Variants in ZNF585A observed in about 807,000 individuals in gnomAD.
The protein encoded by ZNF585A is zinc finger protein 585A.
ZNF585A carries 9 observed loss-of-function variants against 14.9 expected under a neutral mutation model. The ratio of observed to expected loss-of-function variants is 0.60; its 90% CI spans 0.36 to 1.05. ZNF585A has a LOEUF of 1.05. Ranked by LOEUF, ZNF585A falls within the 50% of genes least tolerant of loss-of-function variation. The pLI is 0.01. For missense variants in ZNF585A, 726 were observed against 926.4 expected (o/e 0.78, Z 2.81); for synonymous variants, 276 against 319.9 (o/e 0.86, Z 1.46).
In ZNF585A at chr19:37,152,639, A is replaced by G. The variant is rs760394423; in HGVS notation, c.1260T>C (p.Ile420=). The part of the protein sequence containing the change: ...YICMKCGLAF[I]QKAHLIAHQI... Reference sequence around the variant, plus strand: ...GATGTGCAATCAAGTGTGCCTTCTGAATGAAGGCCAGTCCACATTTCATGC... The same window carrying G: ...GATGTGCAATCAAGTGTGCCTTCTGGATGAAGGCCAGTCCACATTTCATGC... The change falls in exon 5 of 5, where the codon ATT becomes ATC. Residue 420 remains isoleucine, a synonymous_variant. Transcript: ENST00000292841. 9.3e-6 allele frequency: 15 copies of G among 1,613,750 alleles called. No individual in the cohort carries two copies. Among genetic ancestry groups the G allele is most frequent in the South Asian group, 6.6e-5 (6 of 91,072 alleles).
intron 2 of ZNF585A, among the ~76,000 whole-genome samples, chr19:37,162,624 T>TACACCATGGTGTGAGCCCAGGAGGATC (rs1164994253): frequency 2.0e-5 from 3 of 152,292 alleles, no homozygotes; most frequent in East Asian, 3.9e-4. Flanking sequence ...TGTCTATATA[T>TACACCATGGTGTGAGCCCAGGAGGATC]ACACCATGGA....
At position 37,156,336 on chromosome 19, in the gene ZNF585A, T is replaced by A. The variant is rs1298914905; in HGVS notation, c.92A>T (p.Asp31Val). The A allele has an allele frequency of 6.2e-7, 1 of 1,613,950 alleles. No homozygotes were observed. The highest frequency in any genetic ancestry group is 1.3e-5 in the African/African-American group (1 of 74,862). Residue 31 changes from aspartate (D) to valine (V), a missense_variant, in exon 3 of 5, where the codon GAT becomes GTT. This residue lies in a region of ZNF585A where 483 missense variants were observed against 542.8 expected (regional missense o/e 0.89). Transcript: ENST00000292841. ...CTCTCTGCTGAAATCGATAGCCACA[T>A]CCCTGAAGGACACTGATCCCTGTAA... ...SSYEGSVSFRDVAIDFSREEW... is the reference protein window; with the variant it reads ...SSYEGSVSFRVVAIDFSREEW...
rs961867594 is a variant in ZNF585A, at chr19:37,145,657, T to C, written c.*5932A>G. Reference sequence around the variant, plus strand: ...TAAACAGAGAGCACAATTTTTTGTTTTAATAGCAGCATTCCTTGTTATAAT... The same window carrying C: ...TAAACAGAGAGCACAATTTTTTGTTCTAATAGCAGCATTCCTTGTTATAAT... On this transcript the variant is annotated 3_prime_UTR_variant, in exon 5 of 5. Transcript: ENST00000292841. 2 of 152,222 alleles carry C rather than the reference T, an allele frequency of 1.3e-5. No individual in the cohort carries two copies. Among genetic ancestry groups the C allele is most frequent in the Non-Finnish European group, 2.9e-5 (2 of 68,038 alleles). 9.4% of individuals were successfully genotyped at this position (152,222 alleles called of 1,614,324 possible).
chr19:37,171,096 A>C (rs1488860511), intron 1 of ZNF585A, among the ~76,000 whole-genome samples: 2 of 152,230 alleles, frequency 1.3e-5, no homozygotes, highest in East Asian at 3.8e-4. Flanking sequence ...GCCACCTGGA[A>C]AAAAACAAAC....
rs201531585 is a variant in ZNF585A, at chr19:37,167,082, C to A, written c.72+2757G>T. ...CTCCTAAGCTCAAGCAATCCACCCA[C>A]TTCAGCCTCCCAAAGTGCTGGGATT... On this transcript the variant is annotated intron_variant, in intron 2 of 4. Coordinates refer to ENST00000292841, the MANE Select transcript of ZNF585A (RefSeq NM_001288800.2). Among the ~76,000 whole-genome samples the A allele has an allele frequency of 2.6e-4, 39 of 151,706 alleles. No individual in the cohort carries two copies. The East Asian group carries it at 6.9e-3, about 27-fold the overall frequency.
chr19:37,163,356 TA>T (rs1972039089), intron 2 of ZNF585A, among the ~76,000 whole-genome samples: 1 of 149,950 alleles, frequency 6.7e-6, no homozygotes, highest in Non-Finnish European at 1.5e-5. Context: ...AGGAATTTAC[TA>T]AAACAATTAA....
chr19:37,146,878 G>C lies in ZNF585A; in HGVS notation c.*4711C>G. Reference sequence around the variant, plus strand: ...ACATGGAGTTAGAGCTGGGTGTGCTGGACCATGGTGGGAGGAGGCATTAAA... The same window carrying C: ...ACATGGAGTTAGAGCTGGGTGTGCTCGACCATGGTGGGAGGAGGCATTAAA... On this transcript the variant is annotated 3_prime_UTR_variant, in exon 5 of 5. Transcript: ENST00000292841. 1 of 152,650 alleles carries C rather than the reference G, an allele frequency of 6.6e-6. No homozygotes were observed. Among genetic ancestry groups the C allele is most frequent in the East Asian group, 1.9e-4 (1 of 5,192 alleles). The allele number at this position is 152,650 out of a possible 1,614,324, so 9.5% of individuals were successfully genotyped here. A position where few individuals can be genotyped will look rare whatever the true frequency, so the allele number is the denominator to read the frequency against.
intron 2 of ZNF585A, among the ~76,000 whole-genome samples, chr19:37,163,502 C>T (rs548429171): frequency 6.1e-5 from 9 of 148,022 alleles, no homozygotes; most frequent in African/African-American, 2.2e-4. Flanking sequence ...TGAGAAGACC[C>T]TGCAAAAACA....
At chr19:37,163,959 T>G (rs570054894) in intron 2 of ZNF585A, among the ~76,000 whole-genome samples, 4 of 152,158 alleles carry the variant, frequency 2.6e-5, no homozygotes, top group Admixed American at 1.3e-4. Context: ...AAGGCATATC[T>G]GGAGTTGCCA....
In ZNF585A at chr19:37,146,323, G is replaced by C. The variant is rs1239651159; in HGVS notation, c.*5266C>G. 2.6e-5 allele frequency: 4 copies of C among 152,244 alleles called. No homozygotes were observed. The East Asian group carries it at 7.7e-4, about 29-fold the overall frequency. The allele number at this position is 152,244 out of a possible 1,614,324, so 9.4% of individuals were successfully genotyped here. ...TTGAACCCGGGAGGCAGAGGTTGCA[G>C]TGAGCCAAGATCACACCACTGCACT... On this transcript the variant is annotated 3_prime_UTR_variant, in exon 5 of 5. Transcript: ENST00000292841.
At position 37,156,778 on chromosome 19, in the gene ZNF585A, G is replaced by A. The variant is rs979830770; in HGVS notation, c.73-423C>T. Among the ~76,000 whole-genome samples the A allele has an allele frequency of 6.6e-5, 10 of 151,824 alleles. 1 individual carries two copies. In the South Asian group the frequency reaches 1.0e-3, roughly 16 times the overall value. Reference sequence around the variant, plus strand: ...ATGATCTTGGCTCACTGCAACCTCCGCCTCCCAGGTTCAAGAGAGTCTCCT... The same window carrying A: ...ATGATCTTGGCTCACTGCAACCTCCACCTCCCAGGTTCAAGAGAGTCTCCT... On this transcript the variant is annotated intron_variant, in intron 2 of 4. Coordinates refer to ENST00000292841, the MANE Select transcript of ZNF585A (RefSeq NM_001288800.2).
intron 2 of ZNF585A, among the ~76,000 whole-genome samples, chr19:37,166,053 GC>G (rs775001903): frequency 2.0e-5 from 3 of 151,676 alleles, no homozygotes; most frequent in Non-Finnish European, 4.4e-5. Context: ...TTGCTCCGTC[GC>G]CCAGGCTGGA....
Position 37,150,852 on chromosome 19 carries a change from A to G in ZNF585A, c.*737T>C, listed in dbSNP as rs992924226. 6.5e-6 allele frequency: 1 copy of G among 154,954 alleles called. No homozygotes were observed. The highest frequency in any genetic ancestry group is 2.4e-5 in the African/African-American group (1 of 41,452). The allele number at this position is 154,954 out of a possible 1,614,324, so 9.6% of individuals were successfully genotyped here. A position where few individuals can be genotyped will look rare whatever the true frequency, so the allele number is the denominator to read the frequency against. ...ATTCTTACCTCGGAAGCTTTCTTGAAGGTGATGGGAGTTCACAAGACACGG... is the reference window on the plus strand; with the variant it reads ...ATTCTTACCTCGGAAGCTTTCTTGAGGGTGATGGGAGTTCACAAGACACGG... On this transcript the variant is annotated 3_prime_UTR_variant, in exon 5 of 5. Transcript: ENST00000292841.
chr19:37,169,814 C>G, intron 2 of ZNF585A, 25 bp downstream of exon 2: 2 of 1,608,010 alleles, frequency 1.2e-6, no homozygotes, highest in Middle Eastern at 2.1e-4. Flanking sequence ...TGAATTCCCA[C>G]CCCCCTGGGA....
intron 2 of ZNF585A, among the ~76,000 whole-genome samples, chr19:37,156,694 A>ATTT (rs113015250): frequency 1.3e-5 from 2 of 149,250 alleles, no homozygotes; most frequent in Non-Finnish European, 3.0e-5. Context: ...CTAATACTTC[A>ATTT]TTTTTTTTTT....
intron 2 of ZNF585A, among the ~76,000 whole-genome samples, chr19:37,160,840 T>C (rs578012972): frequency 2.0e-5 from 3 of 152,204 alleles, no homozygotes; most frequent in Admixed American, 6.5e-5. Context: ...GCTAGATAGT[T>C]CTACCAGAGA....
intron 2 of ZNF585A, chr19:37,165,745 T>A: frequency 1.4e-6 from 1 of 726,246 alleles, no homozygotes; most frequent in Non-Finnish European, 1.7e-6. Flanking sequence ...AGAATAATTT[T>A]AAATATTATT....
In ZNF585A at chr19:37,169,944, G is replaced by T. The variant is rs765771339; in HGVS notation, c.-34C>A. Reference sequence around the variant, plus strand: ...TGGGTCTCAACCCTTTTTCTGTAGGGTGTCTGAAGCTTGGCAGTCATCTGT... The same window carrying T: ...TGGGTCTCAACCCTTTTTCTGTAGGTTGTCTGAAGCTTGGCAGTCATCTGT... On this transcript the variant is annotated 5_prime_UTR_variant, in exon 2 of 5. Transcript: ENST00000292841. 1 of 1,603,456 alleles carries T rather than the reference G, an allele frequency of 6.2e-7. No homozygotes were observed. The highest frequency in any genetic ancestry group is 8.5e-7 in the Non-Finnish European group (1 of 1,177,264).
chr19:37,170,904 C>T (rs1972171278), intron 1 of ZNF585A, among the ~76,000 whole-genome samples: 2 of 152,042 alleles, frequency 1.3e-5, no homozygotes, highest in African/African-American at 4.8e-5. Flanking sequence ...TACATATCAG[C>T]GATTACCATG....
Sources: gnomAD v4.1 joint callset for allele counts (sites outside exome capture counted in the v4.1 genomes callset) on GRCh38, gnomAD v4.1.1 for gene constraint, gnomAD v4.1.1 regional missense constraint, MANE v1.5 for transcripts, NCBI Gene and HGNC (gene_info 2026-07-23, HGNC 2026-07-21) for gene names.